Variants in LARGE1 observed in about 807,000 individuals in gnomAD.
LARGE1 encodes xylosyl- and glucuronyltransferase LARGE1.
LARGE1 carries 43 observed loss-of-function variants against 87.6 expected under a neutral mutation model. That is an observed-to-expected ratio of 0.49 (90% CI 0.38 to 0.63). The LOEUF is 0.63. LARGE1 is among the 30% of genes least tolerant of loss of function. The pLI, the probability that LARGE1 is intolerant of heterozygous loss-of-function variation, is 0.00. For missense variants in LARGE1, 802 were observed against 1,000.2 expected (o/e 0.80, Z 2.67); for synonymous variants, 434 against 394.6 (o/e 1.10, Z -1.18).
At chr22:33,659,129 C>T (rs1404779344) in intron 2 of LARGE1, among the ~76,000 whole-genome samples, 10 of 152,220 alleles carry the variant, frequency 6.6e-5, no homozygotes, top group Non-Finnish European at 1.3e-4. Flanking sequence ...GCCCAGCTGC[C>T]TGACTATCCA....
chr22:33,124,709 C>T, the LARGE1 span, among the ~76,000 whole-genome samples: 1 of 152,182 alleles, frequency 6.6e-6, no homozygotes, highest in Non-Finnish European at 1.5e-5. Context: ...CAGGAAAGAA[C>T]TCAAGAGCAA....
intron 5 of LARGE1, among the ~76,000 whole-genome samples, chr22:33,589,277 A>T (rs1397318785): frequency 6.6e-6 from 1 of 152,240 alleles, no homozygotes; most frequent in Non-Finnish European, 1.5e-5. Flanking sequence ...AGGATCTGTC[A>T]TGAGATTTCA....
intron 2 of LARGE1, among the ~76,000 whole-genome samples, chr22:33,652,121 A>T (rs1020630079): frequency 6.6e-6 from 1 of 152,200 alleles, no homozygotes; most frequent in Non-Finnish European, 1.5e-5. Flanking sequence ...GGTTGCAGTA[A>T]GCCGAGATTG....
chr22:33,434,525 T>C (rs1418711728), intron 6 of LARGE1, among the ~76,000 whole-genome samples: 1 of 152,202 alleles, frequency 6.6e-6, no homozygotes. Context: ...GGTCTCGATC[T>C]CCTGACCTTG....
At chr22:33,135,471 GA>G in the LARGE1 span, among the ~76,000 whole-genome samples, 1 of 152,142 alleles carries the variant, frequency 6.6e-6, no homozygotes, top group African/African-American at 2.4e-5. Context: ...GAAGTTAGGG[GA>G]AAATAAACAA....
chr22:33,325,381 T>C (rs1319799760), intron 10 of LARGE1, among the ~76,000 whole-genome samples: 1 of 152,260 alleles, frequency 6.6e-6, no homozygotes, highest in Non-Finnish European at 1.5e-5. Context: ...GGCACCACTC[T>C]GAAGCCTTGC....
intron 6 of LARGE1, among the ~76,000 whole-genome samples, chr22:33,461,205 T>C (rs1441229102): frequency 6.6e-6 from 1 of 152,192 alleles, no homozygotes; most frequent in Non-Finnish European, 1.5e-5. Context: ...CAAGGATTGC[T>C]ACAGCCCAGG....
At chr22:33,169,312 G>T (rs1190554026) in intron 11 of LARGE1, among the ~76,000 whole-genome samples, 1 of 152,050 alleles carries the variant, frequency 6.6e-6, no homozygotes, top group East Asian at 1.9e-4. Context: ...CTAAAATTCT[G>T]CTTGGAGACA....
At chr22:33,790,200 C>T (rs62225442) in intron 1 of LARGE1, among the ~76,000 whole-genome samples, 12,313 of 152,242 alleles carry the variant, frequency 0.081, 557 homozygotes, top group Admixed American at 0.11. Context: ...CCCTGCACAA[C>T]CTCTCTTTCC....
the LARGE1 span, among the ~76,000 whole-genome samples, chr22:33,085,034 G>C: frequency 6.6e-6 from 1 of 152,248 alleles, no homozygotes; most frequent in African/African-American, 2.4e-5. Context: ...CCAGCACTTT[G>C]GGAGGCCAAG....
At chr22:33,541,085 G>T (rs1435081345) in intron 6 of LARGE1, among the ~76,000 whole-genome samples, 1 of 132,316 alleles carries the variant, frequency 7.6e-6, no homozygotes, top group Non-Finnish European at 1.7e-5. Flanking sequence ...CGGGTTGCAG[G>T]GGGAGAATCA....
intron 11 of LARGE1, among the ~76,000 whole-genome samples, chr22:33,247,117 AG>A (rs1926802152): frequency 6.6e-6 from 1 of 151,656 alleles, no homozygotes; most frequent in African/African-American, 2.4e-5. Context: ...TGTTAAGAAA[AG>A]GTCAGTGAAT....
chr22:33,519,243 T>C (rs1460030322), intron 6 of LARGE1, among the ~76,000 whole-genome samples: 1 of 151,650 alleles, frequency 6.6e-6, no homozygotes, highest in East Asian at 1.9e-4. Flanking sequence ...CGCGTGTGTG[T>C]GTGTGTGTGT....
At chr22:33,111,814 G>C in the LARGE1 span, among the ~76,000 whole-genome samples, 1 of 152,184 alleles carries the variant, frequency 6.6e-6, no homozygotes, top group South Asian at 2.1e-4. Context: ...AAATTACTGA[G>C]GAATTTATGT....
intron 12 of LARGE1, among the ~76,000 whole-genome samples, chr22:33,284,583 C>T (rs1393646002): frequency 6.9e-6 from 1 of 144,560 alleles, no homozygotes; most frequent in African/African-American, 2.5e-5. Flanking sequence ...TGGCATGAGG[C>T]TTTTTTTTTT....
chr22:33,667,247 T>C (rs1194286324), intron 2 of LARGE1, among the ~76,000 whole-genome samples: 1 of 152,238 alleles, frequency 6.6e-6, no homozygotes, highest in South Asian at 2.1e-4. Context: ...TGACACTTTT[T>C]TTCCATCTTT....
chr22:33,789,229 T>C (rs2085745346), intron 1 of LARGE1, among the ~76,000 whole-genome samples: 2 of 152,206 alleles, frequency 1.3e-5, no homozygotes, highest in Non-Finnish European at 1.5e-5. Context: ...GGCCATTGCT[T>C]CGGAGGGTGC....
At chr22:33,139,095 T>C in the LARGE1 span, among the ~76,000 whole-genome samples, 1 of 152,136 alleles carries the variant, frequency 6.6e-6, no homozygotes, top group South Asian at 2.1e-4. Context: ...CCTCCTTGCC[T>C]TCCACCGTGA....
At chr22:33,443,352 G>T (rs1210439871) in intron 6 of LARGE1, among the ~76,000 whole-genome samples, 3 of 152,140 alleles carry the variant, frequency 2.0e-5, no homozygotes, top group Non-Finnish European at 4.4e-5. Flanking sequence ...ATCACCATGG[G>T]GTAGACTCTA....
Sources: allele counts gnomAD v4.1 joint callset (sites outside exome capture counted in the v4.1 genomes callset), GRCh38; gene constraint gnomAD v4.1.1; transcripts MANE v1.5; gene names NCBI Gene and HGNC (gene_info 2026-07-23, HGNC 2026-07-21).